Variants in SKAP1 observed in about 807,000 individuals in gnomAD.
The protein encoded by SKAP1 is src kinase associated phosphoprotein 1.
Under a neutral mutation model 58.5 loss-of-function variants are expected in SKAP1, and 44 were observed. The observed-to-expected ratio is 0.75, with a 90% CI of 0.59 to 0.97. The LOEUF (loss-of-function observed/expected upper bound fraction) is 0.97. Ranked by LOEUF, SKAP1 falls within the 50% of genes least tolerant of loss-of-function variation. The probability of loss-of-function intolerance (pLI) is 0.00; values close to 1 mark genes in which losing one functional copy is unlikely to be tolerated. For synonymous variants in SKAP1, 127 were observed against 149.7 expected (o/e 0.85, Z 1.11); for missense variants, 390 against 435.2 (o/e 0.90, Z 0.92).
chr17:48,342,067 A>G (rs187973166), intron 4 of SKAP1, among the ~76,000 whole-genome samples: 3 of 152,326 alleles, frequency 2.0e-5, no homozygotes, highest in Admixed American at 2.0e-4. Context: ...ATACATTAAA[A>G]TCCACTGTAT....
At chr17:48,379,027 C>T (rs892699463) in intron 2 of SKAP1, among the ~76,000 whole-genome samples, 3 of 152,042 alleles carry the variant, frequency 2.0e-5, no homozygotes, top group Admixed American at 6.5e-5. Flanking sequence ...CTCTAAATCA[C>T]TCACACAAAG....
chr17:48,430,099 C>A lies in SKAP1; in HGVS notation c.22G>T (p.Glu8Ter). 7.9e-7 allele frequency: 1 copy of A among 1,264,446 alleles called. No individual in the cohort carries two copies. The highest frequency in any genetic ancestry group is 3.0e-5 in the East Asian group (1 of 33,134). 78.3% of individuals were successfully genotyped at this position (1,264,446 alleles called of 1,614,324 possible). ...CCTTCCAGGAGCCAACGGATCTCCTCAGGGAGGGCGGCGGCCTGCATTTGG... is the reference window on the plus strand; with the variant it reads ...CCTTCCAGGAGCCAACGGATCTCCTAAGGGAGGGCGGCGGCCTGCATTTGG... MQAAALPEEIRWLLEDAE... is the reference protein window; with the variant it reads MQAAALP Residue 8 changes from glutamate to a stop codon, truncating the protein, a stop_gained, in exon 1 of 13, where the codon GAG becomes TAG. Transcript: ENST00000336915. LOFTEE classifies it high-confidence loss of function.
intron 1 of SKAP1, among the ~76,000 whole-genome samples, chr17:48,428,036 C>G (rs1371405532): frequency 6.6e-6 from 1 of 152,058 alleles, no homozygotes; most frequent in Non-Finnish European, 1.5e-5. Flanking sequence ...CGACTGTGTT[C>G]CAAAAGAAAT....
At chr17:48,346,256 G>T (rs1416069235) in intron 3 of SKAP1, among the ~76,000 whole-genome samples, 7 of 152,172 alleles carry the variant, frequency 4.6e-5, no homozygotes, top group Admixed American at 4.6e-4. Context: ...GGAACTGTTA[G>T]CTTATAGTGG....
At chr17:48,440,454 G>A in the SKAP1 span, among the ~76,000 whole-genome samples, 1 of 152,208 alleles carries the variant, frequency 6.6e-6, no homozygotes, top group Admixed American at 6.5e-5. Context: ...CTTGGGAGGT[G>A]AGACTGTCCC....
chr17:48,429,998 A>C, intron 1 of SKAP1, 77 bp downstream of exon 1: 1 of 1,179,102 alleles, frequency 8.5e-7, no homozygotes, highest in East Asian at 3.2e-5. Context: ...CCGTAAAGAA[A>C]GCCTGGCCGT....
intron 4 of SKAP1, among the ~76,000 whole-genome samples, chr17:48,311,732 G>A (rs1469794061): frequency 1.3e-5 from 2 of 152,130 alleles, no homozygotes; most frequent in South Asian, 2.1e-4. Context: ...CTTCACTCAC[G>A]GGCCTGGTTA....
intron 4 of SKAP1, among the ~76,000 whole-genome samples, chr17:48,235,434 CT>C (rs11389200): frequency 1.1e-3 from 167 of 146,088 alleles, no homozygotes; most frequent in African/African-American, 2.0e-3. Flanking sequence ...TTAGCTTTCA[CT>C]TTTTTTTTTT....
intron 4 of SKAP1, among the ~76,000 whole-genome samples, chr17:48,222,657 A>G (rs1400848584): frequency 4.6e-5 from 7 of 151,518 alleles, no homozygotes; most frequent in African/African-American, 1.7e-4. Context: ...TTTTTGTATT[A>G]TTAGTAGAGA....
At chr17:48,228,318 G>A (rs933345265) in intron 4 of SKAP1, among the ~76,000 whole-genome samples, 2 of 152,024 alleles carry the variant, frequency 1.3e-5, no homozygotes, top group Non-Finnish European at 2.9e-5. Flanking sequence ...ACTAAAAAAC[G>A]CAATATAGAA....
intron 1 of SKAP1, among the ~76,000 whole-genome samples, chr17:48,414,620 A>G (rs2067710309): frequency 6.6e-6 from 1 of 152,222 alleles, no homozygotes; most frequent in South Asian, 2.1e-4. Context: ...TAAAACGAAA[A>G]TTCTCTCAGC....
At chr17:48,272,422 G>A (rs1048507613) in intron 4 of SKAP1, among the ~76,000 whole-genome samples, 2 of 151,930 alleles carry the variant, frequency 1.3e-5, no homozygotes, top group African/African-American at 4.8e-5. Flanking sequence ...GTGAGACATC[G>A]TGTTCCTCTT....
chr17:48,393,700 T>C (rs2067378334), intron 2 of SKAP1, among the ~76,000 whole-genome samples: 1 of 152,018 alleles, frequency 6.6e-6, no homozygotes, highest in Non-Finnish European at 1.5e-5. Flanking sequence ...TCTAGAGCAA[T>C]ACACGTTGAG....
At chr17:48,314,628 T>C (rs1263389822) in intron 4 of SKAP1, among the ~76,000 whole-genome samples, 2 of 152,210 alleles carry the variant, frequency 1.3e-5, no homozygotes, top group Non-Finnish European at 1.5e-5. Context: ...TGTCAATTGT[T>C]ACTAGGGTTG....
At chr17:48,138,209 CTTTT>C (rs755390130) in intron 11 of SKAP1, among the ~76,000 whole-genome samples, 1 of 144,414 alleles carries the variant, frequency 6.9e-6, no homozygotes. Flanking sequence ...GGGGCTATTT[CTTTT>C]TTTTTTTTTG....
rs536883635 is a variant in SKAP1, at chr17:48,378,757, C to G, written c.153-14943G>C. ...ACCTATAATACTGTATTAGCATCTT[C>G]TTGTCTCTCTGTCACTGAGCCCTCA... On this transcript the variant is annotated intron_variant, in intron 2 of 12. Transcript: ENST00000336915. 9.2e-5 allele frequency among the ~76,000 whole-genome samples: 14 copies of G among 152,276 alleles called. No homozygotes were observed. The East Asian group carries it at 2.3e-3, about 25-fold the overall frequency.
chr17:48,316,970 C>T (rs962193890), intron 4 of SKAP1, among the ~76,000 whole-genome samples: 1 of 152,194 alleles, frequency 6.6e-6, no homozygotes, highest in Admixed American at 6.5e-5. Flanking sequence ...GATCCTTCAT[C>T]TTCTCCCTTA....
chr17:48,416,918 T>C (rs2067738173), intron 1 of SKAP1, among the ~76,000 whole-genome samples: 1 of 152,238 alleles, frequency 6.6e-6, no homozygotes, highest in South Asian at 2.1e-4. Flanking sequence ...TCCTATTAAT[T>C]GAAACCTTCA....
chr17:48,395,909 C>G (rs187091708), intron 2 of SKAP1, among the ~76,000 whole-genome samples: 1 of 152,252 alleles, frequency 6.6e-6, no homozygotes, highest in East Asian at 1.9e-4. Flanking sequence ...CTGTCAGCCA[C>G]GCAAATTAAA....
Sources: allele counts gnomAD v4.1 joint callset (sites outside exome capture counted in the v4.1 genomes callset), GRCh38; gene constraint gnomAD v4.1.1; transcripts MANE v1.5; gene names NCBI Gene and HGNC (gene_info 2026-07-23, HGNC 2026-07-21).